Variants in DIDO1 observed in about 807,000 individuals in gnomAD.
DIDO1 encodes the protein death inducer-obliterator 1.
In DIDO1, 16 loss-of-function variants were observed where a neutral mutation model predicts 99.4. The observed-to-expected ratio is 0.16, with a 90% CI of 0.11 to 0.24. DIDO1 has a LOEUF of 0.24. DIDO1 is among the 10% of genes least tolerant of loss of function. The pLI is 1.00. For missense variants in DIDO1, 2,996 were observed against 3,014.0 expected, an observed-to-expected ratio of 0.99 and a Z score of 0.14; for synonymous variants, 1,366 against 1,239.1, an observed-to-expected ratio of 1.10 and a Z score of -2.15.
rs762377755 is a variant in DIDO1, at chr20:62,906,049, CT to C, written c.1425del (p.Glu476ArgfsTer4). On this transcript the variant is annotated frameshift_variant, in exon 6 of 16. Coordinates refer to ENST00000395343, the MANE Select transcript of DIDO1 (RefSeq NM_001193369.2). LOFTEE classifies it high-confidence loss of function. ...ACCACTGCCTTCTTCACTGTGGTCT[CT>C]TTTTTTTCTGGAGCTGGTCTCTTGT... ...SVHKRPAPEK[K>X]ETTVKKAVVV... 2 of 1,613,478 alleles carry C rather than the reference CT, an allele frequency of 1.2e-6. No individual in the cohort carries two copies.
At chr20:62,892,157 A>G (rs2064412505) in intron 13 of DIDO1, 81 bp from the exon 14 acceptor site, 3 of 1,151,274 alleles carry the variant, frequency 2.6e-6, no homozygotes, top group South Asian at 1.5e-5. Context: ...GAAGGCACAC[A>G]CTACCCAAGA....
chr20:62,894,169 C>G lies in DIDO1; in HGVS notation c.2598G>C (p.Glu866Asp), dbSNP rs376802527. 11 of 1,613,634 alleles carry G rather than the reference C, an allele frequency of 6.8e-6. No homozygotes were observed. Among genetic ancestry groups the G allele is most frequent in the African/African-American group, 1.3e-5 (1 of 74,902 alleles). ...ACAATTTTTGTTTTTTCGGAGCTGG[C>G]TCATCTTCTGCGGAGGGAACCTGGC... Reference protein sequence around the residue: ...CTGQVPSAEDEPAPKKQKLSA... With the variant: ...CTGQVPSAEDDPAPKKQKLSA... Residue 866 changes from glutamate to aspartate, a missense_variant, in exon 12 of 16, where the codon GAG becomes GAC. Glu to Asp is a conservative substitution (Grantham distance 45, BLOSUM62 2). This residue lies in a region of DIDO1 where 898 missense variants were observed against 972.7 expected (regional missense o/e 0.92). Coordinates refer to ENST00000395343, the MANE Select transcript of DIDO1 (RefSeq NM_001193369.2). The surrounding 1 kb of genome is among the most constrained non-coding windows in gnomAD (Gnocchi z 4.4).
At position 62,879,318 on chromosome 20, in the gene DIDO1, T is replaced by A; in HGVS notation, c.6638A>T (p.Asp2213Val). Residue 2213 changes from aspartate to valine, a missense_variant, in exon 16 of 16, where the codon GAC becomes GTC. Physicochemically the swap from Asp to Val is radical, Grantham distance 152. Around this residue, in one of 5 missense-constraint regions of DIDO1, gnomAD observed 1,562 missense variants for 1,412.6 expected, o/e 1.11. Transcript: ENST00000395343. This position sits in a 1 kb window ranked among gnomAD's most constrained non-coding sequence, Gnocchi z 6.3. The stretch of plus-strand genomic sequence containing the variant: ...AGCGCTCTCTTTGCTCTTGCTCCGG[T>A]CCTTGCGGTCGCGGCCCCGCTCCCT... ...RDRERGRDRKDRSKSKESARD... is the reference protein window; with the variant it reads ...RDRERGRDRKVRSKSKESARD... 1 of 1,570,132 alleles carries A rather than the reference T, an allele frequency of 6.4e-7. No individual in the cohort carries two copies.
At chr20:62,922,452 G>A (rs2065173645) in intron 1 of DIDO1, among the ~76,000 whole-genome samples, 3 of 152,082 alleles carry the variant, frequency 2.0e-5, no homozygotes, top group Non-Finnish European at 2.9e-5. Context: ...TCACTCAAGG[G>A]GGAACCTGTC....
chr20:62,905,248 C>T (rs775097573), intron 6 of DIDO1: 10 of 1,321,418 alleles, frequency 7.6e-6, no homozygotes, highest in Non-Finnish European at 9.7e-6. Context: ...TAGGTGTGAA[C>T]TCACTTACCG....
Position 62,882,045 on chromosome 20 carries a change from G to A in DIDO1, c.3911C>T (p.Ala1304Val). ...TGATGCTGTTTTGGAAGCAGACGAA[G>A]CGGTGGAGGAAGCTGCCGTGGAGGC... is the stretch of plus-strand genomic sequence containing the variant. ...AAASTAASST[A>V]SSASKTASPL... Residue 1304 changes from alanine (A) to valine (V), a missense_variant, in exon 16 of 16, where the codon GCT becomes GTT. Ala to Val is a moderately conservative substitution (Grantham distance 64). This residue lies in a region of DIDO1 where 1,562 missense variants were observed against 1,412.6 expected (regional missense o/e 1.11). Transcript: ENST00000395343. 1 of 1,613,642 alleles carries A rather than the reference G, an allele frequency of 6.2e-7. No homozygotes were observed. The highest frequency in any genetic ancestry group is 8.5e-7 in the Non-Finnish European group (1 of 1,180,040).
intron 1 of DIDO1, among the ~76,000 whole-genome samples, chr20:62,917,551 G>A (rs2065061440): frequency 6.6e-6 from 1 of 152,138 alleles, no homozygotes; most frequent in Admixed American, 6.5e-5. Flanking sequence ...CTGTTGTTCT[G>A]TCAGGGACAG....
intron 1 of DIDO1, among the ~76,000 whole-genome samples, chr20:62,932,387 A>T (rs1345736199): frequency 6.6e-6 from 1 of 152,230 alleles, no homozygotes; most frequent in African/African-American, 2.4e-5. Context: ...ATAACTTAAG[A>T]CACAGAGAGA....
Position 62,892,812 on chromosome 20 carries a change from A to C in DIDO1, c.3252T>G (p.Ser1084Arg). ...CACACATTTTCTTGGTTCTAACCTC[A>C]CTGAGGTAATCAAAACACCCAGAGA... The part of the protein sequence containing the change: ...YPVSGCFDYL[S>R]EDLPDTIHIG... Residue 1084 changes from serine to arginine, a missense_variant, in exon 13 of 16, where the codon AGT becomes AGG. Physicochemically the swap from Ser to Arg is moderately radical, Grantham distance 110. Around this residue, in one of 5 missense-constraint regions of DIDO1, gnomAD observed 135 missense variants for 202.3 expected, o/e 0.67. Coordinates refer to ENST00000395343, the MANE Select transcript of DIDO1 (RefSeq NM_001193369.2). 1 of 1,613,176 alleles carries C rather than the reference A, an allele frequency of 6.2e-7. No homozygotes were observed. The highest frequency in any genetic ancestry group is 8.5e-7 in the Non-Finnish European group (1 of 1,179,352).
At chr20:62,936,605 C>T (rs1016026162) in intron 1 of DIDO1, among the ~76,000 whole-genome samples, 1 of 151,898 alleles carries the variant, frequency 6.6e-6, no homozygotes, top group African/African-American at 2.4e-5. Flanking sequence ...GTGGCTCACG[C>T]CTGTAATCCC....
At chr20:62,904,807 A>AAAAAAAAAAAT (rs1568859998) in intron 6 of DIDO1, among the ~76,000 whole-genome samples, 4 of 141,706 alleles carry the variant, frequency 2.8e-5, no homozygotes, top group Admixed American at 7.2e-5. Context: ...AAAAAAAAAA[A>AAAAAAAAAAAT]GTGTCTTTTT....
intron 4 of DIDO1, among the ~76,000 whole-genome samples, chr20:62,908,766 G>A (rs116452546): frequency 0.016 from 2,415 of 152,284 alleles, 46 homozygotes; most frequent in African/African-American, 0.045. Flanking sequence ...GGCTAAGGTG[G>A]GAGGATCACT....
intron 6 of DIDO1, among the ~76,000 whole-genome samples, chr20:62,903,894 G>A (rs376464246): frequency 1.3e-5 from 2 of 152,132 alleles, no homozygotes; most frequent in East Asian, 1.9e-4. Context: ...ACCCCGCTAT[G>A]GGCAGAAGAG....
Position 62,880,492 on chromosome 20 carries a change from C to A in DIDO1, c.5464G>T (p.Asp1822Tyr). ...TAAGAGGGTGAGGGGCCTCTGCTGT[C>A]CCCATAAGGAGGTGGCCCATGTTGC... is the stretch of plus-strand genomic sequence containing the variant. ...SGQHGPPPYG[D>Y]SRGPSPSYLG... Residue 1822 changes from aspartate (D) to tyrosine (Y), a missense_variant, in exon 16 of 16, where the codon GAC becomes TAC. Coordinates refer to ENST00000395343, the MANE Select transcript of DIDO1 (RefSeq NM_001193369.2). 6.2e-7 allele frequency: 1 copy of A among 1,612,992 alleles called. No individual in the cohort carries two copies. The highest frequency in any genetic ancestry group is 8.5e-7 in the Non-Finnish European group (1 of 1,180,004).
chr20:62,893,031 C>A, intron 12 of DIDO1, 69 bp from the exon 13 acceptor site: 1 of 1,470,930 alleles, frequency 6.8e-7, no homozygotes, highest in Non-Finnish European at 9.1e-7. Context: ...AAGTAGAAAG[C>A]CTTTTTTTTT....
At chr20:62,924,828 G>C (rs2065222371) in intron 1 of DIDO1, among the ~76,000 whole-genome samples, 1 of 152,124 alleles carries the variant, frequency 6.6e-6, no homozygotes. Context: ...AGCTCTGCTT[G>C]ACATAGTCTG....
At chr20:62,915,329 A>G (rs969351950) in intron 1 of DIDO1, among the ~76,000 whole-genome samples, 9 of 152,156 alleles carry the variant, frequency 5.9e-5, no homozygotes, top group Non-Finnish European at 1.3e-4. Context: ...TAAGACAGGC[A>G]TTCCCTCTGA....
chr20:62,892,626 T>C (rs1275940054), intron 13 of DIDO1, among the ~76,000 whole-genome samples, 183 bp downstream of exon 13: 1 of 152,214 alleles, frequency 6.6e-6, no homozygotes, highest in African/African-American at 2.4e-5. Flanking sequence ...TGCGGACTCA[T>C]CACGGCCATC....
intron 6 of DIDO1, among the ~76,000 whole-genome samples, chr20:62,904,336 TCAAA>T (rs1345766045): frequency 1.3e-5 from 2 of 152,190 alleles, no homozygotes; most frequent in African/African-American, 2.4e-5. Context: ...AATTCTCAGC[TCAAA>T]CAATGTAAGG....
Sources: gnomAD v4.1 joint callset for allele counts (sites outside exome capture counted in the v4.1 genomes callset) on GRCh38, gnomAD v4.1.1 for gene constraint, gnomAD v4.1.1 regional missense constraint, Gnocchi (gnomAD v3.1) non-coding constraint, MANE v1.5 for transcripts, NCBI Gene and HGNC (gene_info 2026-07-23, HGNC 2026-07-21) for gene names.